The following KMT2A variants were observed in gnomAD, a reference collection of about 807,000 sequenced individuals.
KMT2A encodes the protein histone-lysine N-methyltransferase 2A.
In KMT2A, 16 loss-of-function variants were observed where a neutral mutation model predicts 345.3. The ratio of observed to expected loss-of-function variants is 0.05; its 90% CI spans 0.03 to 0.07. The LOEUF is 0.07. Among genes scored for constraint, KMT2A ranks in the 10% least tolerant of loss-of-function variants. The probability of loss-of-function intolerance (pLI) is 1.00; values close to 1 mark genes in which losing one functional copy is unlikely to be tolerated. For synonymous variants in KMT2A, 1,599 were observed against 1,778.6 expected (o/e 0.90, Z 2.54); for missense variants, 3,272 against 4,841.6 (o/e 0.68, Z 9.62).
At position 118,501,897 on chromosome 11, in the gene KMT2A, G is replaced by A. The variant is rs782106027; in HGVS notation, c.6505+40G>A. On this transcript the variant is annotated intron_variant, in intron 26 of 35. Coordinates refer to ENST00000534358, the MANE Select transcript of KMT2A (RefSeq NM_001197104.2). ...TGACCTACTTGACCTAAGAAGATCA[G>A]CCCAAAGACTAATTTGTAATTCTTT... 4.1e-6 allele frequency: 6 copies of A among 1,469,428 alleles called. 1 individual carries two copies. The South Asian group carries it at 7.4e-5, about 18-fold the overall frequency. The allele number at this position is 1,469,428 out of a possible 1,614,324, so 91.0% of individuals were successfully genotyped here.
At chr11:118,501,904 G>A (rs1022738733) in intron 26 of KMT2A, 47 bp downstream of exon 26, 9 of 1,451,762 alleles carry the variant, frequency 6.2e-6, no homozygotes, top group Non-Finnish European at 8.4e-6. Context: ...TCAGCCCAAA[G>A]ACTAATTTGT....
intron 29 of KMT2A, among the ~76,000 whole-genome samples, chr11:118,509,552 G>C (rs1364119096): frequency 6.6e-6 from 1 of 152,098 alleles, no homozygotes; most frequent in East Asian, 1.9e-4. Flanking sequence ...TAGATAGTCA[G>C]ATTTTGGTTA....
chr11:118,522,127 G>A lies in KMT2A; in HGVS notation c.11874G>A (p.Leu3958=), dbSNP rs376527206. ...KFPIEDASNK[L]PCNCGAKKCR... Reference sequence around the variant, plus strand: ...CCATTGAGGATGCCAGCAACAAGCTGCCCTGCAACTGTGGCGCCAAGAAAT... The same window carrying A: ...CCATTGAGGATGCCAGCAACAAGCTACCCTGCAACTGTGGCGCCAAGAAAT... The change falls in exon 36 of 36, where the codon CTG becomes CTA. Residue 3958 remains leucine, a synonymous_variant. Coordinates refer to ENST00000534358, the MANE Select transcript of KMT2A (RefSeq NM_001197104.2). This position sits in a 1 kb window ranked among gnomAD's most constrained non-coding sequence, Gnocchi z 5.4. 9.6e-5 allele frequency: 155 copies of A among 1,614,092 alleles called. 1 individual carries two copies. Among genetic ancestry groups the A allele is most frequent in the Non-Finnish European group, 1.3e-4 (152 of 1,180,042 alleles).
chr11:118,507,432 C>A, intron 27 of KMT2A, 97 bp from the exon 28 acceptor site: 1 of 1,052,308 alleles, frequency 9.5e-7, no homozygotes, highest in Non-Finnish European at 1.4e-6. Context: ...TAGACTTTAT[C>A]AGATCCTGAT....
Position 118,521,128 on chromosome 11 carries a change from C to A in KMT2A, c.11514-160C>A. On this transcript the variant is annotated intron_variant, in intron 34 of 35. Transcript: ENST00000534358. The surrounding 1 kb of genome is among the most constrained non-coding windows in gnomAD (Gnocchi z 5.3). ...AATGGAAATAACTTTCATCTTTGGC[C>A]ATGTGTTAGATGGCCAAATCAAGTG... The A allele has an allele frequency of 1.3e-6, 1 of 752,328 alleles. No individual in the cohort carries two copies. Among genetic ancestry groups the A allele is most frequent in the Non-Finnish European group, 2.2e-6 (1 of 453,644 alleles). The allele number at this position is 752,328 out of a possible 1,614,324, so 46.6% of individuals were successfully genotyped here.
rs1166822986 is a variant in KMT2A, at chr11:118,526,574, T to G, written c.*4402T>G. 1 of 229,162 alleles carries G rather than the reference T, an allele frequency of 4.4e-6. No individual in the cohort carries two copies. The highest frequency in any genetic ancestry group is 8.6e-6 in the Non-Finnish European group (1 of 116,414). The allele number at this position is 229,162 out of a possible 1,614,324, so 14.2% of individuals were successfully genotyped here. ...CCTTGTGTTCTTCCAAGCTTCTGGTTAGAGAAAAAGAGAAAAAAAAAAAAG... is the reference window on the plus strand; with the variant it reads ...CCTTGTGTTCTTCCAAGCTTCTGGTGAGAGAAAAAGAGAAAAAAAAAAAAG... On this transcript the variant is annotated 3_prime_UTR_variant, in exon 36 of 36. Coordinates refer to ENST00000534358, the MANE Select transcript of KMT2A (RefSeq NM_001197104.2).
rs187929157 is a variant in KMT2A, at chr11:118,483,398, T to A, written c.4087-785T>A. ...ATACAAAAAAATTAGCCCGGCGAGG[T>A]GGCGGGCGCCTGTAGTCCCAGCTAC... On this transcript the variant is annotated intron_variant, in intron 8 of 35. Coordinates refer to ENST00000534358, the MANE Select transcript of KMT2A (RefSeq NM_001197104.2). 5.9e-5 allele frequency among the ~76,000 whole-genome samples: 9 copies of A among 151,592 alleles called. No homozygotes were observed. In the East Asian group the frequency reaches 1.8e-3, roughly 30 times the overall value.
rs1950397089 is a variant in KMT2A at position 118,495,630 on chromosome 11, A to G, written c.5364-70A>G. 8.1e-7 allele frequency: 1 copy of G among 1,234,732 alleles called. No homozygotes were observed. Among genetic ancestry groups the G allele is most frequent in the South Asian group, 1.8e-5 (1 of 56,092 alleles). 76.5% of individuals were successfully genotyped at this position (1,234,732 alleles called of 1,614,324 possible). A position where few individuals can be genotyped will look rare whatever the true frequency, so the allele number is the denominator to read the frequency against. ...ACATGGGGCAACAGGTGATATCAAG[A>G]ATTTATTTTATACAGTTCTAGGTAT... On this transcript the variant is annotated intron_variant, in intron 18 of 35. Transcript: ENST00000534358. This position sits in a 1 kb window ranked among gnomAD's most constrained non-coding sequence, Gnocchi z 4.1.
chr11:118,482,758 A>C (rs1210450272), intron 8 of KMT2A, among the ~76,000 whole-genome samples: 1 of 137,508 alleles, frequency 7.3e-6, no homozygotes, highest in Non-Finnish European at 1.7e-5. Flanking sequence ...TAAACAAAAA[A>C]AAAAAAAAGA....
rs11430367 is a variant in KMT2A at position 118,477,498 on chromosome 11, C to CTTTTTTTTT, written c.3335-450_3335-442dup. Among the ~76,000 whole-genome samples, 48 of 56,944 alleles carry CTTTTTTTTT rather than the reference C, an allele frequency of 8.4e-4. 15 individuals carry two copies. Among genetic ancestry groups the CTTTTTTTTT allele is most frequent in the African/African-American group, 3.2e-3 (41 of 12,984 alleles). The allele number at this position is 56,944 out of a possible 152,430, so 37.4% of individuals were successfully genotyped here. On this transcript the variant is annotated intron_variant, in intron 4 of 35. Coordinates refer to ENST00000534358, the MANE Select transcript of KMT2A (RefSeq NM_001197104.2). ...CTTTCATCAAGATGCAAGTTATTGG[C>CTTTTTTTTT]TTTTTTTTTTTTTTTTTTTTTTTTT... is the stretch of plus-strand genomic sequence containing the variant.
chr11:118,506,582 C>A lies in KMT2A; in HGVS notation c.10690C>A (p.Arg3564=). 6.2e-7 allele frequency: 1 copy of A among 1,613,910 alleles called. No individual in the cohort carries two copies. The highest frequency in any genetic ancestry group is 8.5e-7 in the Non-Finnish European group (1 of 1,179,870). The change falls in exon 27 of 36, where the codon CGG becomes AGG. Residue 3564 remains arginine, a synonymous_variant. Coordinates refer to ENST00000534358, the MANE Select transcript of KMT2A (RefSeq NM_001197104.2). ...NGKKHKVSHL[R]TSSSEAHIPD... ...CAAGAAGCACAAAGTTTCCCATTTG[C>A]GGACCAGTTCTTCTGAAGCACACAT...
Position 118,436,753 on chromosome 11 carries a change from G to A in KMT2A, c.241G>A (p.Ala81Thr), listed in dbSNP as rs1555138660. 1 of 1,590,898 alleles carries A rather than the reference G, an allele frequency of 6.3e-7. No homozygotes were observed. The highest frequency in any genetic ancestry group is 8.6e-7 in the Non-Finnish European group (1 of 1,169,368). Residue 81 changes from alanine to threonine, a missense_variant, in exon 1 of 36, where the codon GCC (alanine) becomes ACC (threonine). Ala to Thr is a moderately conservative substitution (Grantham distance 58). This residue lies in a region of KMT2A where 412 missense variants were observed against 511.0 expected (regional missense o/e 0.81). Coordinates refer to ENST00000534358, the MANE Select transcript of KMT2A (RefSeq NM_001197104.2). The surrounding 1 kb of genome is among the most constrained non-coding windows in gnomAD (Gnocchi z 6.9). ...TGGGGTTCCAGGGGGAGCGGCCGCCGCCTCAGCAGCCTCCTCGTCGTCCGC... is the reference window on the plus strand; with the variant it reads ...TGGGGTTCCAGGGGGAGCGGCCGCCACCTCAGCAGCCTCCTCGTCGTCCGC... ...GAGVPGGAAA[A>T]SAASSSSASS...
At chr11:118,468,294 A>G (rs1278573248) in intron 1 of KMT2A, among the ~76,000 whole-genome samples, 1 of 152,200 alleles carries the variant, frequency 6.6e-6, no homozygotes, top group Non-Finnish European at 1.5e-5. Flanking sequence ...GGAACTGACA[A>G]TTATGGCACT....
rs782696375 is a variant in KMT2A at position 118,493,046 on chromosome 11, C to T, written c.5005-11C>T. 18 of 1,609,680 alleles carry T rather than the reference C, an allele frequency of 1.1e-5. No individual in the cohort carries two copies. In the East Asian group the frequency reaches 3.3e-4, roughly 30 times the overall value. ...TGTTAGATAAAAGCAACATATCTTT[C>T]CTGGCAATAGGCTGCCAAGCCTCCA... On this transcript the variant is annotated splice_polypyrimidine_tract_variant and intron_variant, in intron 15 of 35. Transcript: ENST00000534358. The surrounding 1 kb of genome is among the most constrained non-coding windows in gnomAD (Gnocchi z 5.8).
Position 118,436,593 on chromosome 11 carries a change from AG to A in KMT2A, c.86del (p.Gly29AlafsTer121). On this transcript the variant is annotated frameshift_variant, in exon 1 of 36. Transcript: ENST00000534358. LOFTEE classifies it high-confidence loss of function. This position sits in a 1 kb window ranked among gnomAD's most constrained non-coding sequence, Gnocchi z 6.9. ...GGGGGGRRGL[G>X]GAPRQRVPAL... is the part of the protein sequence containing the mutation. ...GCGGCGGCGGGGGGCGCCGGGGCCTAGGGGGCGCCCCGCGGCAACGCGTCCC... is the reference window on the plus strand; with the variant it reads ...GCGGCGGCGGGGGGCGCCGGGGCCTAGGGGCGCCCCGCGGCAACGCGTCCC... 8.6e-7 allele frequency: 1 copy of A among 1,166,448 alleles called. No individual in the cohort carries two copies. The highest frequency in any genetic ancestry group is 1.1e-6 in the Non-Finnish European group (1 of 938,036). 72.3% of individuals were successfully genotyped at this position (1,166,448 alleles called of 1,614,324 possible). A position where few individuals can be genotyped will look rare whatever the true frequency, so the allele number is the denominator to read the frequency against.
rs1052748793 is a variant in KMT2A at position 118,505,587 on chromosome 11, G to A, written c.9695G>A (p.Arg3232Gln). Residue 3232 changes from arginine to glutamine, a missense_variant, in exon 27 of 36, where the codon CGA becomes CAA. Physicochemically the swap from Arg to Gln is conservative, Grantham distance 43. Coordinates refer to ENST00000534358, the MANE Select transcript of KMT2A (RefSeq NM_001197104.2). This position sits in a 1 kb window ranked among gnomAD's most constrained non-coding sequence, Gnocchi z 4.6. ...KKRPISRLQT[R>Q]KNKKLAPSST... Reference sequence around the variant, plus strand: ...AGACCCATATCTCGTCTACAGACCCGAAAGAATAAAAAACTTGCTCCCTCT... The same window carrying A: ...AGACCCATATCTCGTCTACAGACCCAAAAGAATAAAAAACTTGCTCCCTCT... 3.5e-5 allele frequency: 56 copies of A among 1,613,904 alleles called. No homozygotes were observed. Among genetic ancestry groups the A allele is most frequent in the Non-Finnish European group, 4.4e-5 (52 of 1,179,962 alleles).
In KMT2A at chr11:118,490,255, CA is replaced by C. The variant is rs35483459; in HGVS notation, c.4696+12del. 7.8e-6 allele frequency: 12 copies of C among 1,542,428 alleles called. No individual in the cohort carries two copies. The highest frequency in any genetic ancestry group is 1.0e-5 in the Non-Finnish European group (12 of 1,153,294). ...CGCCAAGCTCTTTGCTAAAGGTACC[CA>C]AAAAAGCCAGTTTTGCCAGCTTTCG... On this transcript the variant is annotated splice_region_variant and intron_variant, in intron 13 of 35. Coordinates refer to ENST00000534358, the MANE Select transcript of KMT2A (RefSeq NM_001197104.2). The surrounding 1 kb of genome is among the most constrained non-coding windows in gnomAD (Gnocchi z 4.2).
At position 118,490,546 on chromosome 11, in the gene KMT2A, T is replaced by C. The variant is rs1950308898; in HGVS notation, c.4696+297T>C. On this transcript the variant is annotated intron_variant, in intron 13 of 35. Coordinates refer to ENST00000534358, the MANE Select transcript of KMT2A (RefSeq NM_001197104.2). This position sits in a 1 kb window ranked among gnomAD's most constrained non-coding sequence, Gnocchi z 4.2. ...TTGATTATTTCAGACATTATTTTAG[T>C]TGCTACCCAAACATTTTCTTTCAGT... Among the ~76,000 whole-genome samples, 2 of 152,094 alleles carry C rather than the reference T, an allele frequency of 1.3e-5. No homozygotes were observed. The highest frequency in any genetic ancestry group is 4.8e-5 in the African/African-American group (2 of 41,434).
At position 118,436,604 on chromosome 11, in the gene KMT2A, C is replaced by T; in HGVS notation, c.92C>T (p.Pro31Leu). 2 of 1,162,154 alleles carry T rather than the reference C, an allele frequency of 1.7e-6. No homozygotes were observed. Among genetic ancestry groups the T allele is most frequent in the South Asian group, 8.5e-5 (2 of 23,586 alleles). 72.0% of individuals were successfully genotyped at this position (1,162,154 alleles called of 1,614,324 possible). A position where few individuals can be genotyped will look rare whatever the true frequency, so the allele number is the denominator to read the frequency against. Reference protein sequence around the residue: ...GGGRRGLGGAPRQRVPALLLP... With the variant: ...GGGRRGLGGALRQRVPALLLP... ...GGGCGCCGGGGCCTAGGGGGCGCCC[C>T]GCGGCAACGCGTCCCGGCCCTGCTG... Residue 31 changes from proline (P) to leucine (L), a missense_variant, in exon 1 of 36, where the codon CCG (proline) becomes CTG (leucine). Physicochemically the swap from Pro to Leu is moderately conservative, Grantham distance 98. Transcript: ENST00000534358. The surrounding 1 kb of genome is among the most constrained non-coding windows in gnomAD (Gnocchi z 6.9).
Sources: allele counts gnomAD v4.1 joint callset (sites outside exome capture counted in the v4.1 genomes callset), GRCh38; gene constraint gnomAD v4.1.1; regional missense constraint gnomAD v4.1.1; non-coding constraint Gnocchi (gnomAD v3.1); transcripts MANE v1.5; gene names NCBI Gene and HGNC (gene_info 2026-07-23, HGNC 2026-07-21).